RIMS1: variants seen among roughly 807,000 people sequenced by gnomAD.
RIMS1 encodes the protein regulating synaptic membrane exocytosis protein 1.
In RIMS1, 83 loss-of-function variants were observed where a neutral mutation model predicts 214.1. The observed-to-expected ratio is 0.39, with a 90% CI of 0.32 to 0.47. The LOEUF (loss-of-function observed/expected upper bound fraction) is 0.47. RIMS1 is among the 20% of genes least tolerant of loss of function. The pLI is 0.99. For synonymous variants in RIMS1, 793 were observed against 786.8 expected (o/e 1.01, Z -0.13); for missense variants, 2,050 against 2,161.8 (o/e 0.95, Z 1.03).
At chr6:71,906,697 A>C (rs1283030785) in intron 1 of RIMS1, among the ~76,000 whole-genome samples, 6 of 152,130 alleles carry the variant, frequency 3.9e-5, no homozygotes, top group Non-Finnish European at 5.9e-5. Flanking sequence ...TCGAATCCTG[A>C]GATCCACCAC....
At chr6:72,185,426 G>GA (rs952536055) in intron 6 of RIMS1, among the ~76,000 whole-genome samples, 20 of 150,964 alleles carry the variant, frequency 1.3e-4, no homozygotes, top group African/African-American at 2.4e-4. Flanking sequence ...TGGATATGAT[G>GA]AAAAAAAAAG....
At chr6:72,353,074 T>A (rs953152113) in intron 29 of RIMS1, among the ~76,000 whole-genome samples, 6 of 149,062 alleles carry the variant, frequency 4.0e-5, no homozygotes, top group Admixed American at 2.1e-4. Flanking sequence ...CACTGCAACT[T>A]CCGTCTCCCG....
At chr6:72,048,422 T>G (rs1823673912) in intron 2 of RIMS1, among the ~76,000 whole-genome samples, 1 of 152,070 alleles carries the variant, frequency 6.6e-6, no homozygotes, top group Non-Finnish European at 1.5e-5. Flanking sequence ...AGCACAGTAT[T>G]CTTTAAAGCT....
Position 72,400,615 on chromosome 6 carries a change from A to C in RIMS1, c.4980A>C (p.Pro1660=), listed in dbSNP as rs2098829287. 9 of 1,613,650 alleles carry C rather than the reference A, an allele frequency of 5.6e-6. No individual in the cohort carries two copies. The highest frequency in any genetic ancestry group is 7.6e-6 in the Non-Finnish European group (9 of 1,179,816). The change falls in exon 34 of 34, where the codon CCA becomes CCC. Residue 1660 remains proline (P), a synonymous_variant. Coordinates refer to ENST00000521978, the MANE Select transcript of RIMS1 (RefSeq NM_014989.7). ...TGATCGGATGGTACAAATTGTTCCC[A>C]CCGTCCTCACTGGTGGATCCCACAC... ...SMVIGWYKLF[P]PSSLVDPTLT... is the part of the protein sequence containing the mutation.
At chr6:72,202,563 G>A (rs535315425) in intron 6 of RIMS1, among the ~76,000 whole-genome samples, 2 of 152,252 alleles carry the variant, frequency 1.3e-5, no homozygotes, top group Admixed American at 6.5e-5. Context: ...ATAGGGGTTA[G>A]GACATCAACA....
intron 23 of RIMS1, among the ~76,000 whole-genome samples, chr6:72,280,397 AATTT>A (rs920381481): frequency 1.3e-5 from 2 of 152,028 alleles, no homozygotes; most frequent in Non-Finnish European, 1.5e-5. Flanking sequence ...ATCTCAATCC[AATTT>A]ATTCTAAGAC....
chr6:72,049,735 T>G (rs1824090114), intron 2 of RIMS1, among the ~76,000 whole-genome samples: 1 of 152,188 alleles, frequency 6.6e-6, no homozygotes, highest in African/African-American at 2.4e-5. Context: ...TTGAAGAAAA[T>G]ATTAAAGGAT....
chr6:72,233,504 T>TG (rs1421695108), intron 6 of RIMS1, among the ~76,000 whole-genome samples: 4 of 147,940 alleles, frequency 2.7e-5, no homozygotes, highest in African/African-American at 1.0e-4. Flanking sequence ...AGATTAACCC[T>TG]GTTTTTTTTT....
chr6:72,198,195 A>C (rs2051309018), intron 6 of RIMS1, among the ~76,000 whole-genome samples: 1 of 152,182 alleles, frequency 6.6e-6, no homozygotes, highest in Non-Finnish European at 1.5e-5. Flanking sequence ...AAGATACTGA[A>C]TCAAACTAAG....
In RIMS1 at chr6:71,942,195, G is replaced by A. The variant is rs567945267; in HGVS notation, c.165-26788G>A. Among the ~76,000 whole-genome samples, 74 of 152,238 alleles carry A rather than the reference G, an allele frequency of 4.9e-4. 1 individual carries two copies. The South Asian group carries it at 0.014, about 29-fold the overall frequency. ...ATAGCATATGGCAATCATTGACTCC[G>A]TGTGTAAGGCCAGTATAGGTAACTC... is the stretch of plus-strand genomic sequence containing the variant. On this transcript the variant is annotated intron_variant, in intron 1 of 33. Coordinates refer to ENST00000521978, the MANE Select transcript of RIMS1 (RefSeq NM_014989.7).
Position 72,150,020 on chromosome 6 carries a change from C to T in RIMS1, c.472-29555C>T, listed in dbSNP as rs181387165. 9.3e-4 allele frequency among the ~76,000 whole-genome samples: 141 copies of T among 152,144 alleles called. 1 individual carries two copies. Among genetic ancestry groups the T allele is most frequent in the Middle Eastern group, 3.4e-3 (1 of 294 alleles). ...AGAAGAATGAGGTTACACTGACAAT[C>T]GAAAGGTGAGGGGGGTGGAGAGGAA... On this transcript the variant is annotated intron_variant, in intron 4 of 33. Transcript: ENST00000521978.
intron 2 of RIMS1, among the ~76,000 whole-genome samples, chr6:72,087,575 A>G (rs1834983577): frequency 6.6e-6 from 1 of 152,218 alleles, no homozygotes; most frequent in African/African-American, 2.4e-5. Context: ...AGCAGATGTC[A>G]TCATTCCTTG....
rs1205206755 is a variant in RIMS1 at position 71,886,629 on chromosome 6, G to GCCCCGC, written c.-385_-380dup. ...AGTCCCAGCCCCAGCCCCAGCCCCA[G>GCCCCGC]CCCCGCCCCCGCCCCGCGCCCCGCC... On this transcript the variant is annotated 5_prime_UTR_variant, in exon 1 of 34. Transcript: ENST00000521978. 6.8e-6 allele frequency: 1 copy of GCCCCGC among 146,272 alleles called. No individual in the cohort carries two copies. Among genetic ancestry groups the GCCCCGC allele is most frequent in the Admixed American group, 6.8e-5 (1 of 14,740 alleles). 9.1% of individuals were successfully genotyped at this position (146,272 alleles called of 1,614,324 possible).
chr6:72,330,797 A>G (rs1352787744), intron 28 of RIMS1, among the ~76,000 whole-genome samples: 1 of 151,786 alleles, frequency 6.6e-6, no homozygotes, highest in Non-Finnish European at 1.5e-5. Flanking sequence ...GATTAATCTG[A>G]CTGATTAGAT....
At chr6:72,388,902 C>A (rs1361946800) in intron 29 of RIMS1, among the ~76,000 whole-genome samples, 1 of 152,110 alleles carries the variant, frequency 6.6e-6, no homozygotes, top group Non-Finnish European at 1.5e-5. Context: ...AAGTGCCTAT[C>A]AGATCTGTAA....
chr6:72,286,663 G>T (rs760607223), intron 24 of RIMS1, among the ~76,000 whole-genome samples: 5 of 152,162 alleles, frequency 3.3e-5, no homozygotes, highest in Non-Finnish European at 5.9e-5. Flanking sequence ...TCTAATTTAT[G>T]TTAGCTCTGA....
chr6:71,950,638 G>T (rs985999688), intron 1 of RIMS1, among the ~76,000 whole-genome samples: 17 of 152,136 alleles, frequency 1.1e-4, no homozygotes, highest in African/African-American at 4.1e-4. Context: ...AATAATTTTG[G>T]AAGTTTCTTC....
chr6:71,971,059 GC>G (rs1420609070), intron 2 of RIMS1, among the ~76,000 whole-genome samples: 1 of 151,932 alleles, frequency 6.6e-6, no homozygotes, highest in Non-Finnish European at 1.5e-5. Flanking sequence ...AAATATGAGT[GC>G]CCCCCAGGTT....
chr6:71,992,404 C>CTCTCTTTCTT (rs1252103778), intron 2 of RIMS1, among the ~76,000 whole-genome samples: 66 of 110,072 alleles, frequency 6.0e-4, no homozygotes, highest in Non-Finnish European at 8.2e-4. Context: ...TTCTCTCTCT[C>CTCTCTTTCTT]TCTTTCTTTC....
Sources: gnomAD v4.1 joint callset for allele counts (sites outside exome capture counted in the v4.1 genomes callset) on GRCh38, gnomAD v4.1.1 for gene constraint, MANE v1.5 for transcripts, NCBI Gene and HGNC (gene_info 2026-07-23, HGNC 2026-07-21) for gene names.